The following ZNF341 variants were observed in gnomAD, a reference collection of about 807,000 sequenced individuals.
ZNF341 encodes the protein zinc finger protein 341.
ZNF341 carries 52 observed loss-of-function variants against 87.7 expected under a neutral mutation model. That is an observed-to-expected ratio of 0.59 (90% CI 0.47 to 0.75). The LOEUF (loss-of-function observed/expected upper bound fraction) is 0.75, where lower values mean the gene tolerates loss of function less well. Among genes scored for constraint, ZNF341 ranks in the 30% least tolerant of loss-of-function variants. The pLI, the probability that ZNF341 is intolerant of heterozygous loss-of-function variation, is 0.00. For synonymous variants in ZNF341, 459 were observed against 472.7 expected, an observed-to-expected ratio of 0.97 and a Z score of 0.38; for missense variants, 977 against 1,145.9, an observed-to-expected ratio of 0.85 and a Z score of 2.13.
intron 8 of ZNF341, among the ~76,000 whole-genome samples, chr20:33,763,486 A>T (rs1474266518): frequency 6.6e-6 from 1 of 152,076 alleles, no homozygotes; most frequent in East Asian, 1.9e-4. Flanking sequence ...TTTAGTAGAG[A>T]CAAGGCTTCA....
At position 33,753,179 on chromosome 20, in the gene ZNF341, T is replaced by C. The variant is rs2019096469; in HGVS notation, c.497T>C (p.Leu166Pro). The C allele has an allele frequency of 3.1e-6, 5 of 1,612,138 alleles. No individual in the cohort carries two copies. The highest frequency in any genetic ancestry group is 3.4e-6 in the Non-Finnish European group (4 of 1,180,030). The stretch of plus-strand genomic sequence containing the variant: ...TTTCTTTTCTGATTTCAGAGCAGCC[T>C]GAACATGCATTCCGTGCCCAGCTAC... The part of the protein sequence containing the change: ...PQGPPPVQSS[L>P]NMHSVPSYLT... Residue 166 changes from leucine (L) to proline (P), a missense_variant, in exon 5 of 15, where the codon CTG becomes CCG. Leu to Pro is a moderately conservative substitution (Grantham distance 98). Transcript: ENST00000375200.
intron 7 of ZNF341, among the ~76,000 whole-genome samples, chr20:33,761,155 ATTTT>A (rs2019281853): frequency 5.3e-5 from 8 of 152,044 alleles, no homozygotes; most frequent in Admixed American, 4.6e-4. Flanking sequence ...CCACAAAATT[ATTTT>A]AAGTTTTAAA....
chr20:33,790,848 C>A, intron 14 of ZNF341, 140 bp from the exon 15 acceptor site: 3 of 1,028,560 alleles, frequency 2.9e-6, no homozygotes, highest in Non-Finnish European at 4.1e-6. Flanking sequence ...TGGAAGAAGG[C>A]AGACGACGAG....
At chr20:33,779,766 G>C (rs1461574686) in intron 10 of ZNF341, among the ~76,000 whole-genome samples, 1 of 152,158 alleles carries the variant, frequency 6.6e-6, no homozygotes, top group Non-Finnish European at 1.5e-5. Flanking sequence ...ACAATTGTAA[G>C]AATGAGTGAC....
chr20:33,764,723 A>C (rs1284528474), intron 8 of ZNF341, among the ~76,000 whole-genome samples: 2 of 150,784 alleles, frequency 1.3e-5, no homozygotes, highest in Non-Finnish European at 2.9e-5. Context: ...AAGATTGAAT[A>C]TACTTTATAT....
At chr20:33,768,932 C>T (rs1017562827) in intron 9 of ZNF341, among the ~76,000 whole-genome samples, 1 of 152,048 alleles carries the variant, frequency 6.6e-6, no homozygotes, top group East Asian at 1.9e-4. Flanking sequence ...AGTGAGGAAA[C>T]CCAAAGGAAG....
intron 11 of ZNF341, among the ~76,000 whole-genome samples, chr20:33,781,804 T>G (rs1005144436): frequency 2.6e-5 from 4 of 151,694 alleles, no homozygotes; most frequent in African/African-American, 9.7e-5. Flanking sequence ...CTCAGCCCCC[T>G]GAGTAGCTGG....
chr20:33,778,330 G>A (rs969476576), intron 10 of ZNF341, among the ~76,000 whole-genome samples: 1 of 151,330 alleles, frequency 6.6e-6, no homozygotes, highest in South Asian at 2.1e-4. Flanking sequence ...TTTTTTTTGA[G>A]ACAGAGTCTC....
At chr20:33,752,116 C>CA in intron 4 of ZNF341, 3 of 389,454 alleles carry the variant, frequency 7.7e-6, no homozygotes, top group Non-Finnish European at 5.0e-6. Flanking sequence ...AAGCCCCCCC[C>CA]CCTTTTTTTT....
intron 10 of ZNF341, among the ~76,000 whole-genome samples, chr20:33,773,633 A>G (rs140432560): frequency 1.5e-3 from 224 of 152,342 alleles, no homozygotes; most frequent in African/African-American, 4.7e-3. Flanking sequence ...GGATCAAGTA[A>G]GACAAGGCTG....
Position 33,753,426 on chromosome 20 carries a change from G to A in ZNF341, c.741+3G>A. Reference sequence around the variant, plus strand: ...TGCAGCCCTACCCACCCCTAGAGGTGAGCAGAGGGGGCAGGGTGGAAGAGG... The same window carrying A: ...TGCAGCCCTACCCACCCCTAGAGGTAAGCAGAGGGGGCAGGGTGGAAGAGG... On this transcript the variant is annotated splice_donor_region_variant and intron_variant, in intron 5 of 14. Transcript: ENST00000375200. The A allele has an allele frequency of 6.3e-7, 1 of 1,588,258 alleles. No individual in the cohort carries two copies. Among genetic ancestry groups the A allele is most frequent in the Non-Finnish European group, 8.6e-7 (1 of 1,167,836 alleles).
At chr20:33,735,603 G>A (rs76126290) in intron 1 of ZNF341, among the ~76,000 whole-genome samples, 6,240 of 152,204 alleles carry the variant, frequency 0.041, 420 homozygotes, top group African/African-American at 0.14. Context: ...CAGGCATGAG[G>A]CACTGTACCC....
intron 3 of ZNF341, among the ~76,000 whole-genome samples, chr20:33,748,337 TG>T (rs2018980516): frequency 6.6e-6 from 1 of 152,210 alleles, no homozygotes; most frequent in Non-Finnish European, 1.5e-5. Flanking sequence ...CCCAAAGTGC[TG>T]GGATTACAGG....
At chr20:33,785,095 T>G (rs1265023249) in intron 12 of ZNF341, among the ~76,000 whole-genome samples, 1 of 152,212 alleles carries the variant, frequency 6.6e-6, no homozygotes, top group Non-Finnish European at 1.5e-5. Flanking sequence ...GCTTTTTAAT[T>G]GAAAAGGATC....
intron 6 of ZNF341, among the ~76,000 whole-genome samples, chr20:33,758,057 G>C (rs774350045): frequency 6.6e-6 from 1 of 152,128 alleles, no homozygotes; most frequent in African/African-American, 2.4e-5. Context: ...GATGTATTGA[G>C]CATCTGTGTG....
intron 7 of ZNF341, 136 bp downstream of exon 7, chr20:33,758,942 A>T (rs2019237347): frequency 1.4e-6 from 1 of 726,662 alleles, no homozygotes. Flanking sequence ...GCTGTAGTCC[A>T]GGTCGGGTGG....
chr20:33,735,276 C>T (rs1255405948), intron 1 of ZNF341, among the ~76,000 whole-genome samples: 2 of 152,166 alleles, frequency 1.3e-5, no homozygotes, highest in Non-Finnish European at 2.9e-5. Flanking sequence ...AGTGATCTGC[C>T]CGCCTTGGCC....
intron 8 of ZNF341, among the ~76,000 whole-genome samples, chr20:33,762,559 G>A (rs2122687832): frequency 6.6e-6 from 1 of 150,690 alleles, no homozygotes; most frequent in Non-Finnish European, 1.5e-5. Context: ...GGATACATGT[G>A]CAGAACGTGC....
In ZNF341 at chr20:33,783,820, T is replaced by C; in HGVS notation, c.1808T>C (p.Phe603Ser). 1 of 1,613,710 alleles carries C rather than the reference T, an allele frequency of 6.2e-7. No individual in the cohort carries two copies. Among genetic ancestry groups the C allele is most frequent in the South Asian group, 1.1e-5 (1 of 91,082 alleles). Residue 603 changes from phenylalanine (F) to serine (S), a missense_variant, in exon 12 of 15, where the codon TTC becomes TCC. Transcript: ENST00000375200. ...AAGTGCCAAGTGTGCAAGAAGTTCTTCCGGCGGGAGCATTATCTCAAACTG... is the reference window on the plus strand; with the variant it reads ...AAGTGCCAAGTGTGCAAGAAGTTCTCCCGGCGGGAGCATTATCTCAAACTG... Reference protein sequence around the residue: ...RFKCQVCKKFFRREHYLKLHA... With the variant: ...RFKCQVCKKFSRREHYLKLHA...
Sources: gnomAD v4.1 joint callset for allele counts (sites outside exome capture counted in the v4.1 genomes callset) on GRCh38, gnomAD v4.1.1 for gene constraint, MANE v1.5 for transcripts, NCBI Gene and HGNC (gene_info 2026-07-23, HGNC 2026-07-21) for gene names.